Variants in PACS1 observed in about 807,000 individuals in gnomAD.
The protein encoded by PACS1 is PACS-1.
PACS1 carries 24 observed loss-of-function variants against 115.0 expected under a neutral mutation model. The observed-to-expected ratio is 0.21, with a 90% CI of 0.15 to 0.29. The LOEUF (loss-of-function observed/expected upper bound fraction) is 0.29, where lower values mean the gene tolerates loss of function less well. Ranked by LOEUF, PACS1 falls within the 10% of genes least tolerant of loss-of-function variation. The pLI is 1.00. For missense variants in PACS1, 838 were observed against 1,251.2 expected, an observed-to-expected ratio of 0.67 and a Z score of 4.98; for synonymous variants, 453 against 504.5, an observed-to-expected ratio of 0.90 and a Z score of 1.37.
intron 2 of PACS1, among the ~76,000 whole-genome samples, chr11:66,201,622 GA>G (rs1292645831): frequency 2.5e-4 from 35 of 138,068 alleles, no homozygotes; most frequent in Admixed American, 1.0e-3. Flanking sequence ...AAATGAAATT[GA>G]AAAAAAAAAG....
chr11:66,138,687 T>A (rs1456625979), intron 1 of PACS1, among the ~76,000 whole-genome samples: 1 of 90,604 alleles, frequency 1.1e-5, no homozygotes, highest in African/African-American at 4.3e-5. Context: ...CTGTCTGCAC[T>A]TTTTTTTTTT....
chr11:66,123,121 C>T (rs987159318), intron 1 of PACS1, among the ~76,000 whole-genome samples: 6 of 151,086 alleles, frequency 4.0e-5, no homozygotes, highest in African/African-American at 1.5e-4. Flanking sequence ...CAGCAGCCAT[C>T]AACATTGAGG....
chr11:66,198,665 C>T lies in PACS1; in HGVS notation c.444+5092C>T, dbSNP rs115939128. On this transcript the variant is annotated intron_variant, in intron 2 of 23. Coordinates refer to ENST00000320580, the MANE Select transcript of PACS1 (RefSeq NM_018026.4). Reference sequence around the variant, plus strand: ...TTCTTTGTTGAATGATGAGAATGTTCTGACACTGACTGTGGTGATGGTTGC... The same window carrying T: ...TTCTTTGTTGAATGATGAGAATGTTTTGACACTGACTGTGGTGATGGTTGC... 3.6e-3 allele frequency among the ~76,000 whole-genome samples: 548 copies of T among 152,266 alleles called. 5 individuals carry two copies. Among genetic ancestry groups the T allele is most frequent in the African/African-American group, 0.013 (525 of 41,552 alleles).
rs935259952 is a variant in PACS1, at chr11:66,081,074, GA to G, written c.356+10241del. ...GGAGACCCCGTCTGTACAAAAAATA[GA>G]AAAAAAAATTAGCTGGGCTTGGTGG... On this transcript the variant is annotated intron_variant, in intron 1 of 23. Transcript: ENST00000320580. 2.5e-4 allele frequency among the ~76,000 whole-genome samples: 37 copies of G among 150,850 alleles called. 1 individual carries two copies. Among genetic ancestry groups the G allele is most frequent in the Non-Finnish European group, 5.2e-4 (35 of 67,616 alleles).
At chr11:66,188,086 A>G (rs1304689195) in intron 1 of PACS1, among the ~76,000 whole-genome samples, 2 of 136,816 alleles carry the variant, frequency 1.5e-5, no homozygotes, top group Non-Finnish European at 3.2e-5. Flanking sequence ...TTTTTTTTAT[A>G]TGTTCGTTGG....
chr11:66,110,726 T>C (rs1393137078), intron 1 of PACS1, among the ~76,000 whole-genome samples: 6 of 152,092 alleles, frequency 3.9e-5, no homozygotes, highest in Admixed American at 3.9e-4. Flanking sequence ...TGCACCACCA[T>C]GCCCAGCTAA....
chr11:66,135,213 T>A (rs1358650126), intron 1 of PACS1, among the ~76,000 whole-genome samples: 1 of 151,978 alleles, frequency 6.6e-6, no homozygotes. Flanking sequence ...AAAAAAAATC[T>A]TATTTCTTCT....
intron 1 of PACS1, among the ~76,000 whole-genome samples, chr11:66,133,872 A>C (rs1858763613): frequency 6.6e-6 from 1 of 152,174 alleles, no homozygotes; most frequent in South Asian, 2.1e-4. Context: ...AAATTTAATT[A>C]TTTATAAAAA....
At chr11:66,230,328 A>G (rs1296044168) in intron 11 of PACS1, 1 of 557,584 alleles carries the variant, frequency 1.8e-6, no homozygotes. Context: ...TATTTACTGG[A>G]TTGCAGCATA....
chr11:66,140,774 A>G (rs575225581), intron 1 of PACS1, among the ~76,000 whole-genome samples: 16 of 152,168 alleles, frequency 1.1e-4, no homozygotes, highest in Admixed American at 7.9e-4. Context: ...TTATTTATAT[A>G]TAATTATATA....
At chr11:66,138,073 G>A (rs141258776) in intron 1 of PACS1, among the ~76,000 whole-genome samples, 2 of 142,938 alleles carry the variant, frequency 1.4e-5, no homozygotes, top group African/African-American at 5.5e-5. Context: ...GGTAGGCCAA[G>A]ATTTTGCCCC....
At chr11:66,119,767 C>T (rs1351832359) in intron 1 of PACS1, among the ~76,000 whole-genome samples, 3 of 152,146 alleles carry the variant, frequency 2.0e-5, no homozygotes, top group Admixed American at 6.6e-5. Context: ...AACATGCTTG[C>T]CTGGAGAACA....
In PACS1 at chr11:66,070,477, T is replaced by G. The variant is rs1317830987; in HGVS notation, c.-10T>G. 2 of 1,262,220 alleles carry G rather than the reference T, an allele frequency of 1.6e-6. No homozygotes were observed. 78.2% of individuals were successfully genotyped at this position (1,262,220 alleles called of 1,614,324 possible). ...CGCCTCGGCCTCCGTAACCCCCGCCTAGCCGGGCCATGGCGGAACGCGGAG... is the reference window on the plus strand; with the variant it reads ...CGCCTCGGCCTCCGTAACCCCCGCCGAGCCGGGCCATGGCGGAACGCGGAG... On this transcript the variant is annotated 5_prime_UTR_variant, in exon 1 of 24. Coordinates refer to ENST00000320580, the MANE Select transcript of PACS1 (RefSeq NM_018026.4). The surrounding 1 kb of genome is among the most constrained non-coding windows in gnomAD (Gnocchi z 5.9).
chr11:66,115,222 A>C (rs1461158614), intron 1 of PACS1, among the ~76,000 whole-genome samples: 6 of 151,788 alleles, frequency 4.0e-5, no homozygotes, highest in Admixed American at 3.3e-4. Flanking sequence ...AAAAAAAAAA[A>C]AAAAAAACTA....
At chr11:66,191,591 C>T (rs1421658808) in intron 1 of PACS1, among the ~76,000 whole-genome samples, 2 of 152,188 alleles carry the variant, frequency 1.3e-5, no homozygotes, top group Non-Finnish European at 2.9e-5. Context: ...CCACACAGTC[C>T]TGTTTTTGAG....
intron 1 of PACS1, among the ~76,000 whole-genome samples, chr11:66,090,695 G>C (rs1857645820): frequency 6.6e-6 from 1 of 152,154 alleles, no homozygotes. Context: ...TCACTTTCCA[G>C]ACCCTTCATT....
intron 2 of PACS1, among the ~76,000 whole-genome samples, chr11:66,199,247 G>A (rs1377068778): frequency 2.6e-5 from 4 of 151,180 alleles, no homozygotes; most frequent in Non-Finnish European, 4.4e-5. Flanking sequence ...CCCAGGAGTC[G>A]GAGCTTGCAG....
chr11:66,153,593 A>C (rs2134612150), intron 1 of PACS1, among the ~76,000 whole-genome samples: 1 of 152,238 alleles, frequency 6.6e-6, no homozygotes, highest in Non-Finnish European at 1.5e-5. Flanking sequence ...CATCCTGGCT[A>C]ACACGGTGAA....
chr11:66,209,218 A>G (rs976446275), intron 2 of PACS1, among the ~76,000 whole-genome samples: 5 of 152,104 alleles, frequency 3.3e-5, no homozygotes, highest in African/African-American at 1.2e-4. Context: ...AAAAGCATCC[A>G]AGAAGAGAAG....
Sources: gnomAD v4.1 joint callset for allele counts (sites outside exome capture counted in the v4.1 genomes callset) on GRCh38, gnomAD v4.1.1 for gene constraint, Gnocchi (gnomAD v3.1) non-coding constraint, MANE v1.5 for transcripts, NCBI Gene and HGNC (gene_info 2026-07-23, HGNC 2026-07-21) for gene names.